The following GTPBP6 variants were observed in gnomAD, a reference collection of about 807,000 sequenced individuals.
The protein encoded by GTPBP6 is putative GTP-binding protein 6.
In GTPBP6, 33 loss-of-function variants were observed where a neutral mutation model predicts 28.9. The observed-to-expected ratio is 1.14, with a 90% CI of 0.87 to 1.53. The LOEUF (loss-of-function observed/expected upper bound fraction) is 1.53. Ranked by LOEUF, GTPBP6 falls within the 40% of genes most tolerant of loss-of-function variation. GTPBP6 has a pLI of 0.00. For missense variants in GTPBP6, 507 were observed against 408.3 expected, an observed-to-expected ratio of 1.24 and a Z score of -2.08; for synonymous variants, 231 against 192.7, an observed-to-expected ratio of 1.20 and a Z score of -1.65.
intron 6 of GTPBP6, 114 bp downstream of exon 6, chrX:312,652 C>G (rs771840873): frequency 9.0e-7 from 1 of 1,108,710 alleles, no homozygotes; most frequent in African/African-American, 1.5e-5. Context: ...ACGTGCTCAC[C>G]GCAGCTGTCG....
At chrX:310,968 C>G (rs2070274795) in intron 7 of GTPBP6, among the ~76,000 whole-genome samples, 1 of 152,004 alleles carries the variant, frequency 6.6e-6, no homozygotes, top group African/African-American at 2.4e-5. Context: ...TGACGTGGAG[C>G]AGGTGCACCC....
chrX:313,752 T>A (rs755344876), intron 5 of GTPBP6, among the ~76,000 whole-genome samples: 1 of 148,128 alleles, frequency 6.8e-6, no homozygotes, highest in Admixed American at 6.7e-5. Context: ...AACCCAGGGA[T>A]GCCTGGAGCC....
chrX:305,464 GGT>G (rs2070139547), intron 9 of GTPBP6, among the ~76,000 whole-genome samples: 6 of 151,528 alleles, frequency 4.0e-5, no homozygotes, highest in Non-Finnish European at 5.9e-5. Context: ...TGGGACTACA[GGT>G]GCATGCCACC....
chrX:305,011 C>G (rs780050548), exon 10 of GTPBP6: 2 of 1,589,986 alleles, frequency 1.3e-6, no homozygotes, highest in Admixed American at 1.8e-5. Context: ...CCCAACACAG[C>G]GGTAACGCCT....
intron 5 of GTPBP6, among the ~76,000 whole-genome samples, chrX:313,830 G>C (rs1446860171): frequency 6.6e-6 from 1 of 152,168 alleles, no homozygotes; most frequent in Non-Finnish European, 1.5e-5. Flanking sequence ...CTTGATCTCA[G>C]AGTTTTGGTG....
At chrX:305,761 A>G (rs1043160409) in intron 9 of GTPBP6, among the ~76,000 whole-genome samples, 1 of 148,966 alleles carries the variant, frequency 6.7e-6, no homozygotes, top group African/African-American at 2.5e-5. Flanking sequence ...AGTAGCTGGG[A>G]CTACAGGTGC....
chrX:306,668 C>G (rs2070173646), intron 9 of GTPBP6, among the ~76,000 whole-genome samples: 1 of 143,608 alleles, frequency 7.0e-6, no homozygotes. Flanking sequence ...TGTATGCAGT[C>G]AGAAATGTAC....
chrX:317,569 T>TGGGGGTGGGGGTGGGGGTGGGGG (rs1187572118), intron 1 of GTPBP6, among the ~76,000 whole-genome samples: 4 of 117,654 alleles, frequency 3.4e-5, no homozygotes, highest in African/African-American at 9.6e-5. Context: ...GGGTGGGGGG[T>TGGGGGTGGGGGTGGGGGTGGGGG]GGGACTAGAC....
At chrX:307,789 G>A in exon 8 of GTPBP6, 4 of 1,542,540 alleles carry the variant, frequency 2.6e-6, no homozygotes, top group Non-Finnish European at 3.5e-6. Flanking sequence ...GAGCGGGGCG[G>A]GCAGCTGCAG....
In GTPBP6 at chrX:314,888, A is replaced by T. The variant is rs1483463718; in HGVS notation, c.689+2T>A. The T allele has an allele frequency of 1.0e-5, 4 of 398,832 alleles. No homozygotes were observed. The highest frequency in any genetic ancestry group is 1.8e-5 in the Non-Finnish European group (4 of 226,328). The allele number at this position is 398,832 out of a possible 1,614,324, so 24.7% of individuals were successfully genotyped here. On this transcript the variant is annotated splice_donor_variant, in intron 4 of 9. Transcript: ENST00000326153. LOFTEE classifies it high-confidence loss of function. The stretch of plus-strand genomic sequence containing the variant: ...CGGCGCGGCCCAGGGGCCCCACGAT[A>T]CCTGTGCAGCGGCATCTCCGCCAGG...
At chrX:315,506 C>A (rs2070413362) in intron 2 of GTPBP6, among the ~76,000 whole-genome samples, 1 of 102,642 alleles carries the variant, frequency 9.7e-6, no homozygotes, top group Non-Finnish European at 2.1e-5. Flanking sequence ...CATAGACATG[C>A]ATACGGTGAA....
At chrX:310,918 G>A (rs1354954156) in intron 7 of GTPBP6, among the ~76,000 whole-genome samples, 5 of 143,822 alleles carry the variant, frequency 3.5e-5, no homozygotes, top group East Asian at 2.1e-4. Context: ...CTGCCCGCAC[G>A]TCTGTGACAC....
chrX:318,634 C>T (rs2070484370), exon 1 of GTPBP6: 1 of 397,612 alleles, frequency 2.5e-6, no homozygotes. Flanking sequence ...CGCCCTCCGC[C>T]CCACGGCCCC....
Position 306,534 on chromosome X carries a change from GCA to G in GTPBP6, c.1427+824_1427+825del, listed in dbSNP as rs747288300. Among the ~76,000 whole-genome samples, 95 of 151,024 alleles carry G rather than the reference GCA, an allele frequency of 6.3e-4. 5 individuals carry two copies. The highest frequency in any genetic ancestry group is 2.3e-3 in the African/African-American group (93 of 40,824). ...ACAGTCAGAAATGTACATTTTGTCA[GCA>G]CAGATTAGGCAACTGTTGTATGCAG... On this transcript the variant is annotated intron_variant, in intron 9 of 9. Coordinates refer to ENST00000326153, the Ensembl canonical transcript of GTPBP6.
Position 312,930 on chromosome X carries a change from A to G in GTPBP6, c.758-6T>C. The stretch of plus-strand genomic sequence containing the variant: ...CAGCTGCATGAAGGATTCTCCTAAA[A>G]GACACCCGAGATGGTGAGGCGGTGA... On this transcript the variant is annotated splice_region_variant and splice_polypyrimidine_tract_variant and intron_variant, in intron 5 of 9. Coordinates refer to ENST00000326153, the Ensembl canonical transcript of GTPBP6. The G allele has an allele frequency of 6.2e-7, 1 of 1,608,334 alleles. No individual in the cohort carries two copies. Among genetic ancestry groups the G allele is most frequent in the Non-Finnish European group, 8.5e-7 (1 of 1,176,642 alleles).
intron 9 of GTPBP6, among the ~76,000 whole-genome samples, 166 bp from the exon 10 acceptor site, chrX:305,363 G>A (rs57496976): frequency 9.7e-5 from 14 of 144,980 alleles, no homozygotes; most frequent in Non-Finnish European, 1.8e-4. Context: ...ACTCTGTCGC[G>A]TAGGCTGGAG....
At position 307,425 on chromosome X, in the gene GTPBP6, C is replaced by T. The variant is rs368855209; in HGVS notation, c.1362G>A (p.Ala454=). The change falls in exon 9 of 10, where the codon GCG becomes GCA. Residue 454 remains alanine (A), a synonymous_variant. Transcript: ENST00000326153. Reference sequence around the variant, plus strand: ...TCTGTCTCCCCGTCGCCTTCAAAACCGCCGCATCGAGCTCAGCTTTCAGCT... The same window carrying T: ...TCTGTCTCCCCGTCGCCTTCAAAACTGCCGCATCGAGCTCAGCTTTCAGCT... 2.2e-5 allele frequency: 35 copies of T among 1,612,586 alleles called. No homozygotes were observed. In the African/African-American group the frequency reaches 3.9e-4, roughly 18 times the overall value.
chrX:314,642 T>G, intron 4 of GTPBP6, among the ~76,000 whole-genome samples: 1 of 151,948 alleles, frequency 6.6e-6, no homozygotes. Flanking sequence ...CCGGCTAATT[T>G]TTTTCTTGTA....
chrX:312,587 C>T (rs770562244), intron 6 of GTPBP6, 179 bp downstream of exon 6: 104 of 731,138 alleles, frequency 1.4e-4, no homozygotes, highest in Middle Eastern at 2.3e-4. Context: ...TGGGTGAGCT[C>T]TCACAGCAGC....
Sources: gnomAD v4.1 joint callset for allele counts (sites outside exome capture counted in the v4.1 genomes callset) on GRCh38, gnomAD v4.1.1 for gene constraint, MANE v1.5 for transcripts, NCBI Gene and HGNC (gene_info 2026-07-23, HGNC 2026-07-21) for gene names.